Variants in RSRC1 observed in about 807,000 individuals in gnomAD.
The protein encoded by RSRC1 is serine/Arginine-related protein 53.
A neutral mutation model predicts 49.1 loss-of-function variants in RSRC1; 39 were observed. That is an observed-to-expected ratio of 0.79 (90% CI 0.61 to 1.04). The LOEUF (loss-of-function observed/expected upper bound fraction) is 1.04. Ranked by LOEUF, RSRC1 falls within the 50% of genes least tolerant of loss-of-function variation. The pLI is 0.00. For missense variants in RSRC1, 388 were observed against 402.4 expected (o/e 0.96, Z 0.31); for synonymous variants, 143 against 130.8 (o/e 1.09, Z -0.63).
At chr3:158,283,417 T>G (rs1302312868) in intron 4 of RSRC1, among the ~76,000 whole-genome samples, 2 of 152,220 alleles carry the variant, frequency 1.3e-5, no homozygotes, top group African/African-American at 4.8e-5. Context: ...TGTTTACTTT[T>G]CAGTTTATAA....
intron 1 of RSRC1, among the ~76,000 whole-genome samples, chr3:158,121,025 G>C (rs1168347787): frequency 6.6e-6 from 1 of 151,548 alleles, no homozygotes; most frequent in African/African-American, 2.4e-5. Context: ...AAATGTCCGT[G>C]TTACCATAAC....
intron 4 of RSRC1, among the ~76,000 whole-genome samples, chr3:158,216,755 T>C (rs1559946814): frequency 6.6e-6 from 1 of 151,730 alleles, no homozygotes; most frequent in Non-Finnish European, 1.5e-5. Flanking sequence ...TACCTGAGCG[T>C]CCAGAGGTGA....
At chr3:158,275,076 G>T (rs1193752467) in intron 4 of RSRC1, among the ~76,000 whole-genome samples, 1 of 152,102 alleles carries the variant, frequency 6.6e-6, no homozygotes, top group Non-Finnish European at 1.5e-5. Context: ...TTATCTAATG[G>T]CCACTGGCTC....
rs1385062049 is a variant in RSRC1, at chr3:158,383,086, T to C, written c.583+28178T>C. Among the ~76,000 whole-genome samples the C allele has an allele frequency of 2.0e-5, 3 of 152,168 alleles. No individual in the cohort carries two copies. The East Asian group carries it at 5.8e-4, about 29-fold the overall frequency. On this transcript the variant is annotated intron_variant, in intron 6 of 9. Coordinates refer to ENST00000611884, the MANE Select transcript of RSRC1 (RefSeq NM_001271838.2). ...CTACTAATTTCTGACAAGGAAGACA[T>C]GGACAAATTATAAATAATGGACAAA... is the stretch of plus-strand genomic sequence containing the variant.
At chr3:158,455,509 T>C (rs965136017) in intron 6 of RSRC1, among the ~76,000 whole-genome samples, 11 of 152,130 alleles carry the variant, frequency 7.2e-5, no homozygotes, top group African/African-American at 2.4e-4. Context: ...CCCTATGGAA[T>C]TTTAAAAATA....
At chr3:158,285,068 G>T (rs1337091338) in intron 4 of RSRC1, among the ~76,000 whole-genome samples, 2 of 152,074 alleles carry the variant, frequency 1.3e-5, no homozygotes, top group African/African-American at 2.4e-5. Flanking sequence ...ATTAATTTTC[G>T]TATAAGGTGT....
chr3:158,357,588 C>T (rs1304568871), intron 6 of RSRC1, among the ~76,000 whole-genome samples: 3 of 152,096 alleles, frequency 2.0e-5, no homozygotes, highest in Non-Finnish European at 2.9e-5. Context: ...AGCTAACTTA[C>T]TGTCAAGATT....
At chr3:158,386,148 AC>A (rs1732953907) in intron 6 of RSRC1, among the ~76,000 whole-genome samples, 1 of 152,074 alleles carries the variant, frequency 6.6e-6, no homozygotes, top group African/African-American at 2.4e-5. Context: ...GTTTTAGAAA[AC>A]ATACAGTATA....
At chr3:158,193,546 A>C (rs1170341317) in intron 3 of RSRC1, among the ~76,000 whole-genome samples, 1 of 152,154 alleles carries the variant, frequency 6.6e-6, no homozygotes, top group African/African-American at 2.4e-5. Context: ...GGAACCAAAT[A>C]ATGAAAATAA....
chr3:158,476,489 T>C (rs1738374489), intron 7 of RSRC1, among the ~76,000 whole-genome samples: 1 of 152,094 alleles, frequency 6.6e-6, no homozygotes, highest in Non-Finnish European at 1.5e-5. Flanking sequence ...GACTTTAAGT[T>C]TGAAGCCAGT....
chr3:158,475,917 A>C (rs952159304), intron 7 of RSRC1, among the ~76,000 whole-genome samples: 1 of 152,204 alleles, frequency 6.6e-6, no homozygotes, highest in Admixed American at 6.6e-5. Context: ...AAAAGTCCAG[A>C]GAGGATGAAA....
At chr3:158,203,658 A>G (rs1288595771) in intron 4 of RSRC1, among the ~76,000 whole-genome samples, 1 of 152,164 alleles carries the variant, frequency 6.6e-6, no homozygotes, top group Non-Finnish European at 1.5e-5. Flanking sequence ...TGTTAGCGGA[A>G]AAGTATAAAG....
At chr3:158,309,225 T>C (rs565045544) in intron 5 of RSRC1, among the ~76,000 whole-genome samples, 24 of 152,028 alleles carry the variant, frequency 1.6e-4, no homozygotes, top group African/African-American at 5.8e-4. Context: ...AGTAAAATGC[T>C]GTTAGCGCTC....
intron 6 of RSRC1, among the ~76,000 whole-genome samples, chr3:158,440,962 A>G (rs2108373429): frequency 6.6e-6 from 1 of 152,214 alleles, no homozygotes; most frequent in East Asian, 1.9e-4. Context: ...AAAATGAAAG[A>G]AAATAAATAT....
chr3:158,226,538 T>C (rs1262562281), intron 4 of RSRC1, among the ~76,000 whole-genome samples: 2 of 152,008 alleles, frequency 1.3e-5, no homozygotes, highest in Non-Finnish European at 2.9e-5. Context: ...AGGTGGATGT[T>C]TGACATTGCT....
intron 6 of RSRC1, among the ~76,000 whole-genome samples, chr3:158,409,516 T>G (rs1394727061): frequency 6.6e-6 from 1 of 152,204 alleles, no homozygotes; most frequent in East Asian, 1.9e-4. Context: ...TCCCTAACAT[T>G]GTATTTTATG....
intron 4 of RSRC1, among the ~76,000 whole-genome samples, chr3:158,296,536 C>A (rs896326754): frequency 6.6e-6 from 1 of 151,902 alleles, no homozygotes; most frequent in African/African-American, 2.4e-5. Flanking sequence ...TTAAGTTATA[C>A]AAATAACTAT....
At chr3:158,313,847 A>G (rs1416487686) in intron 5 of RSRC1, among the ~76,000 whole-genome samples, 1 of 152,230 alleles carries the variant, frequency 6.6e-6, no homozygotes, top group Non-Finnish European at 1.5e-5. Flanking sequence ...CAAAATGCAA[A>G]TGAATATTCA....
chr3:158,507,372 A>G (rs1739907327), intron 7 of RSRC1, among the ~76,000 whole-genome samples: 1 of 152,206 alleles, frequency 6.6e-6, no homozygotes, highest in African/African-American at 2.4e-5. Flanking sequence ...CAGAATAGCT[A>G]GAAGAGAAGA....
Sources: gnomAD v4.1 joint callset for allele counts (sites outside exome capture counted in the v4.1 genomes callset) on GRCh38, gnomAD v4.1.1 for gene constraint, MANE v1.5 for transcripts, NCBI Gene and HGNC (gene_info 2026-07-23, HGNC 2026-07-21) for gene names.